GXYLT1: variants seen among roughly 807,000 people sequenced by gnomAD.
The protein encoded by GXYLT1 is glycosyltransferase 8 domain containing 3.
GXYLT1 carries 29 observed loss-of-function variants against 54.0 expected under a neutral mutation model. That is an observed-to-expected ratio of 0.54 (90% CI 0.40 to 0.73). The LOEUF is 0.73. Ranked by LOEUF, GXYLT1 falls within the 30% of genes least tolerant of loss-of-function variation. GXYLT1 has a pLI of 0.00. For synonymous variants in GXYLT1, 176 were observed against 204.1 expected, an observed-to-expected ratio of 0.86 and a Z score of 1.17; for missense variants, 490 against 553.4, an observed-to-expected ratio of 0.89 and a Z score of 1.15.
chr12:42,143,217 C>A lies in GXYLT1; in HGVS notation c.221+1209G>T, dbSNP rs73125401. Among the ~76,000 whole-genome samples the A allele has an allele frequency of 8.8e-3, 1,346 of 152,176 alleles. 7 individuals carry two copies. The highest frequency in any genetic ancestry group is 0.013 in the Non-Finnish European group (855 of 68,008). On this transcript the variant is annotated intron_variant, in intron 1 of 7. Coordinates refer to ENST00000398675, the MANE Select transcript of GXYLT1 (RefSeq NM_173601.2). ...ATTCTACCCCATATAAAAATAATTC[C>A]TTTTCCATAATTGCAAATGCTTCAC...
At chr12:42,106,787 C>T (rs2065424233) in intron 4 of GXYLT1, among the ~76,000 whole-genome samples, 1 of 148,418 alleles carries the variant, frequency 6.7e-6, no homozygotes, top group Non-Finnish European at 1.5e-5. Flanking sequence ...ACTCTGTCAC[C>T]CAGGCTGGAG....
intron 3 of GXYLT1, among the ~76,000 whole-genome samples, chr12:42,118,669 T>TG (rs1343707401): frequency 6.6e-6 from 1 of 152,232 alleles, no homozygotes; most frequent in Non-Finnish European, 1.5e-5. Context: ...GACTCGATCA[T>TG]GGGGGCCGTT....
Position 42,144,397 on chromosome 12 carries a change from G to A in GXYLT1, c.221+29C>T, listed in dbSNP as rs984535560. On this transcript the variant is annotated intron_variant, in intron 1 of 7. Coordinates refer to ENST00000398675, the MANE Select transcript of GXYLT1 (RefSeq NM_173601.2). Reference sequence around the variant, plus strand: ...CCGCGCCCAGCGCCCCGCGCCCGCCGCGTCCCCCACACCGGGAACTGCCCG... The same window carrying A: ...CCGCGCCCAGCGCCCCGCGCCCGCCACGTCCCCCACACCGGGAACTGCCCG... 2.7e-5 allele frequency: 36 copies of A among 1,334,194 alleles called. No homozygotes were observed. In the African/African-American group the frequency reaches 3.0e-4, roughly 11 times the overall value. 82.6% of individuals were successfully genotyped at this position (1,334,194 alleles called of 1,614,324 possible).
chr12:42,097,527 C>G lies in GXYLT1; in HGVS notation c.1076G>C (p.Gly359Ala). 6.2e-7 allele frequency: 1 copy of G among 1,611,028 alleles called. No homozygotes were observed. Among genetic ancestry groups the G allele is most frequent in the Non-Finnish European group, 8.5e-7 (1 of 1,178,532 alleles). ...TCTGTTCCCATGAAGAATAAAGATT[C>G]CTCCTTCTTCTGCTTCTTGGCAATT... ...GSNCQEAEEGGIFILHGNRGV... is the reference protein window; with the variant it reads ...GSNCQEAEEGAIFILHGNRGV... The change falls in exon 7 of 8, where the codon GGA (glycine) becomes GCA (alanine). Residue 359 changes from glycine (G) to alanine (A), a missense_variant. By Grantham distance (60) the Gly-to-Ala change is moderately conservative. Around this residue, in one of 2 missense-constraint regions of GXYLT1, gnomAD observed 342 missense variants for 342.6 expected, o/e 1.00. Transcript: ENST00000398675.
intron 1 of GXYLT1, among the ~76,000 whole-genome samples, chr12:42,135,342 G>A (rs1845738270): frequency 6.7e-6 from 1 of 149,096 alleles, no homozygotes; most frequent in Non-Finnish European, 1.5e-5. Flanking sequence ...CTGTTTAGAT[G>A]TATGGGGTTG....
chr12:42,093,979 A>G (rs2065342199), intron 7 of GXYLT1, among the ~76,000 whole-genome samples: 1 of 152,182 alleles, frequency 6.6e-6, no homozygotes, highest in Non-Finnish European at 1.5e-5. Flanking sequence ...TAAATGAAAC[A>G]GCATATGGGT....
At chr12:42,102,440 A>C (rs2065395573) in intron 5 of GXYLT1, among the ~76,000 whole-genome samples, 1 of 152,202 alleles carries the variant, frequency 6.6e-6, no homozygotes, top group South Asian at 2.1e-4. Context: ...TTTTCAATTC[A>C]TTAATGGCCT....
intron 3 of GXYLT1, among the ~76,000 whole-genome samples, chr12:42,111,989 T>C (rs550211777): frequency 1.3e-5 from 2 of 152,344 alleles, no homozygotes; most frequent in African/African-American, 4.8e-5. Flanking sequence ...CAATATCTGC[T>C]GTTCTGCAGC....
intron 3 of GXYLT1, among the ~76,000 whole-genome samples, chr12:42,110,148 C>CTAA (rs1262634883): frequency 6.6e-6 from 1 of 152,154 alleles, no homozygotes; most frequent in African/African-American, 2.4e-5. Context: ...CAATGCATAG[C>CTAA]TTTAATATGC....
intron 1 of GXYLT1, among the ~76,000 whole-genome samples, chr12:42,135,149 G>A (rs935130135): frequency 6.6e-6 from 1 of 152,212 alleles, no homozygotes; most frequent in Admixed American, 6.5e-5. Flanking sequence ...CATCAAAGTA[G>A]AAGCTTCAAA....
At chr12:42,135,919 T>C (rs74078173) in intron 1 of GXYLT1, among the ~76,000 whole-genome samples, 3,684 of 152,298 alleles carry the variant, frequency 0.024, 146 homozygotes, top group African/African-American at 0.084. Context: ...GGTAAATTTA[T>C]TGATCATAAT....
intron 4 of GXYLT1, 70 bp from the exon 5 acceptor site, chr12:42,106,139 T>C (rs1192036166): frequency 4.8e-6 from 5 of 1,033,018 alleles, no homozygotes; most frequent in Admixed American, 4.5e-5. Context: ...GCACCTCTAA[T>C]TGTGTAAGAT....
chr12:42,141,348 T>C (rs940436535), intron 1 of GXYLT1, among the ~76,000 whole-genome samples: 32 of 152,208 alleles, frequency 2.1e-4, no homozygotes, highest in African/African-American at 7.7e-4. Flanking sequence ...TCTGCAGTTT[T>C]TCCTTCATTT....
Position 42,106,157 on chromosome 12 carries a change from A to G in GXYLT1, c.613-88T>C, listed in dbSNP as rs2065420053. The stretch of plus-strand genomic sequence containing the variant: ...CCTCTAATTGTGTAAGATACACCTA[A>G]GAGATTAGCTAATTTATATTATTTT... On this transcript the variant is annotated intron_variant, in intron 4 of 7. Transcript: ENST00000398675. 3.6e-6 allele frequency: 3 copies of G among 822,626 alleles called. No homozygotes were observed. In the South Asian group the frequency reaches 5.2e-5, roughly 14 times the overall value. 51.0% of individuals were successfully genotyped at this position (822,626 alleles called of 1,614,324 possible). A position where few individuals can be genotyped will look rare whatever the true frequency, so the allele number is the denominator to read the frequency against.
At chr12:42,140,769 G>A (rs1373673084) in intron 1 of GXYLT1, among the ~76,000 whole-genome samples, 4 of 152,184 alleles carry the variant, frequency 2.6e-5, no homozygotes, top group Non-Finnish European at 5.9e-5. Context: ...GGCTTGATGG[G>A]TCCAGAAACG....
At chr12:42,095,190 T>A (rs2065348900) in intron 7 of GXYLT1, among the ~76,000 whole-genome samples, 2 of 152,312 alleles carry the variant, frequency 1.3e-5, no homozygotes, top group South Asian at 2.1e-4. Context: ...GTCTCACAAA[T>A]CATTGGCAGG....
In GXYLT1 at chr12:42,081,996, T is replaced by C. The variant is rs1296039196; in HGVS notation, c.*5790A>G. 3 of 152,208 alleles carry C rather than the reference T, an allele frequency of 2.0e-5. No individual in the cohort carries two copies. 9.4% of individuals were successfully genotyped at this position (152,208 alleles called of 1,614,324 possible). ...TTAGACCAGAATCTTTAATTTTATA[T>C]TCTCCTTTAATAACTGTCAAAATAC... is the stretch of plus-strand genomic sequence containing the variant. On this transcript the variant is annotated 3_prime_UTR_variant, in exon 8 of 8. Transcript: ENST00000398675.
intron 3 of GXYLT1, among the ~76,000 whole-genome samples, chr12:42,112,699 C>T (rs935097243): frequency 3.9e-5 from 6 of 152,090 alleles, no homozygotes; most frequent in African/African-American, 1.5e-4. Flanking sequence ...AGAATGGAAC[C>T]AAGTTGGAAA....
intron 3 of GXYLT1, among the ~76,000 whole-genome samples, chr12:42,112,809 C>G (rs2065467090): frequency 6.6e-6 from 1 of 150,920 alleles, no homozygotes; most frequent in South Asian, 2.1e-4. Context: ...AGATACTCCT[C>G]AAGAAGAGCA....
Sources: gnomAD v4.1 joint callset for allele counts (sites outside exome capture counted in the v4.1 genomes callset) on GRCh38, gnomAD v4.1.1 for gene constraint, gnomAD v4.1.1 regional missense constraint, MANE v1.5 for transcripts, NCBI Gene and HGNC (gene_info 2026-07-23, HGNC 2026-07-21) for gene names.